Variants in CDK5RAP2 observed in about 807,000 individuals in gnomAD.
The protein encoded by CDK5RAP2 is CDK5 regulatory subunit associated protein 2.
A neutral mutation model predicts 232.9 loss-of-function variants in CDK5RAP2; 147 were observed. The ratio of observed to expected loss-of-function variants is 0.63; its 90% CI spans 0.55 to 0.72. The LOEUF (loss-of-function observed/expected upper bound fraction) is 0.72, where lower values mean the gene tolerates loss of function less well. Among genes scored for constraint, CDK5RAP2 ranks in the 30% least tolerant of loss-of-function variants. The pLI, the probability that CDK5RAP2 is intolerant of heterozygous loss-of-function variation, is 0.00. For synonymous variants in CDK5RAP2, 833 were observed against 833.7 expected (o/e 1.00, Z 0.01); for missense variants, 2,195 against 2,231.5 (o/e 0.98, Z 0.33).
intron 3 of CDK5RAP2, among the ~76,000 whole-genome samples, chr9:120,564,439 G>A (rs568124279): frequency 1.1e-3 from 157 of 147,648 alleles, no homozygotes; most frequent in African/African-American, 3.7e-3. Context: ...GCAGTGAGCC[G>A]AGATCGTGCC....
intron 10 of CDK5RAP2, 46 bp from the exon 11 acceptor site, chr9:120,525,124 CCT>C: frequency 7.4e-7 from 1 of 1,358,630 alleles, no homozygotes; most frequent in Non-Finnish European, 1.1e-6. Flanking sequence ...ACTGGGCTCT[CCT>C]CTCTGCACAG....
intron 32 of CDK5RAP2, chr9:120,406,061 A>G (rs1355557102): frequency 6.6e-6 from 1 of 152,230 alleles, no homozygotes; most frequent in Non-Finnish European, 1.5e-5. Flanking sequence ...TTTTGATTAA[A>G]TTTTAAGATC....
Position 120,470,155 on chromosome 9 carries a change from G to T in CDK5RAP2, c.1924C>A (p.Arg642=). 6.3e-7 allele frequency: 1 copy of T among 1,592,520 alleles called. No individual in the cohort carries two copies. Among genetic ancestry groups the T allele is most frequent in the South Asian group, 1.1e-5 (1 of 89,930 alleles). The change falls in exon 17 of 38, where the codon CGG becomes AGG. Residue 642 remains arginine, a synonymous_variant. Transcript: ENST00000349780. ...TGAGAAAAATGTTCCACTTGAAACC[G>T]ATTGTTTTCTTCAAGGCAAATACTT... ...YLSICLEENN[R]FQVEHFSQEE... is the part of the protein sequence containing the mutation.
In CDK5RAP2 at chr9:120,471,883, G is replaced by C. The variant is rs2037727941; in HGVS notation, c.1728-5C>G. 4 of 1,613,900 alleles carry C rather than the reference G, an allele frequency of 2.5e-6. No homozygotes were observed. Among genetic ancestry groups the C allele is most frequent in the African/African-American group, 1.3e-5 (1 of 74,920 alleles). ...TCAGCCTGCAGGTTGTTGATACTTG[G>C]TAAAACAAGACACCAGAAGTTTTAA... On this transcript the variant is annotated splice_region_variant and splice_polypyrimidine_tract_variant and intron_variant, in intron 15 of 37. Transcript: ENST00000349780.
chr9:120,455,241 G>A (rs755579408), intron 20 of CDK5RAP2, among the ~76,000 whole-genome samples: 1 of 152,152 alleles, frequency 6.6e-6, no homozygotes, highest in Non-Finnish European at 1.5e-5. Flanking sequence ...ATCAGTGAGA[G>A]GCAAGCCTCG....
chr9:120,425,682 G>T (rs1379782711), intron 25 of CDK5RAP2, among the ~76,000 whole-genome samples: 1 of 152,182 alleles, frequency 6.6e-6, no homozygotes, highest in Non-Finnish European at 1.5e-5. Flanking sequence ...AAATCCATCA[G>T]TCCTACAGAG....
At chr9:120,533,790 C>G (rs1010318878) in intron 7 of CDK5RAP2, among the ~76,000 whole-genome samples, 16 of 122,878 alleles carry the variant, frequency 1.3e-4, no homozygotes, top group Admixed American at 9.1e-4. Context: ...AGAGTTAAGA[C>G]TCCATCTAAA....
chr9:120,537,635 T>C (rs10984947), intron 6 of CDK5RAP2, among the ~76,000 whole-genome samples: 20,793 of 151,756 alleles, frequency 0.14, 2,005 homozygotes, highest in East Asian at 0.29. Context: ...ATATTTACTG[T>C]CTGTGTGACC....
At chr9:120,526,080 C>T (rs903593086) in intron 10 of CDK5RAP2, among the ~76,000 whole-genome samples, 2 of 152,180 alleles carry the variant, frequency 1.3e-5, no homozygotes, top group East Asian at 1.9e-4. Context: ...TTCTGATGTC[C>T]TCTGCAGTCC....
chr9:120,389,825 G>A, intron 36 of CDK5RAP2, 38 bp from the exon 37 acceptor site: 4 of 1,592,910 alleles, frequency 2.5e-6, no homozygotes, highest in Non-Finnish European at 3.4e-6. Flanking sequence ...TTAGGGCCAT[G>A]GATATCCAGG....
At chr9:120,458,174 G>A (rs1474098538) in intron 20 of CDK5RAP2, among the ~76,000 whole-genome samples, 1 of 152,182 alleles carries the variant, frequency 6.6e-6, no homozygotes, top group African/African-American at 2.4e-5. Flanking sequence ...TGACAGCAAG[G>A]CAGTCCTTTC....
intron 12 of CDK5RAP2, among the ~76,000 whole-genome samples, chr9:120,509,586 A>G (rs1293241815): frequency 2.0e-5 from 3 of 152,158 alleles, no homozygotes; most frequent in African/African-American, 7.2e-5. Flanking sequence ...GTTGAGAACT[A>G]TTTTCCACTA....
intron 29 of CDK5RAP2, 97 bp from the exon 30 acceptor site, chr9:120,409,413 AGAT>A (rs2033706827): frequency 2.9e-5 from 26 of 905,430 alleles, no homozygotes; most frequent in Admixed American, 8.5e-5. Context: ...AAAAAGAATG[AGAT>A]TCGATCTGGC....
chr9:120,490,098 C>G (rs115681133), intron 13 of CDK5RAP2, among the ~76,000 whole-genome samples: 5 of 152,224 alleles, frequency 3.3e-5, no homozygotes, highest in African/African-American at 1.2e-4. Context: ...TGAGCCACCA[C>G]GCCAGGCCAT....
At chr9:120,521,544 T>C (rs763235131) in intron 11 of CDK5RAP2, among the ~76,000 whole-genome samples, 1 of 152,166 alleles carries the variant, frequency 6.6e-6, no homozygotes, top group African/African-American at 2.4e-5. Flanking sequence ...CTCTCTTGCC[T>C]GTGTCATGTA....
At chr9:120,515,791 G>A (rs944384124) in intron 12 of CDK5RAP2, among the ~76,000 whole-genome samples, 6 of 152,190 alleles carry the variant, frequency 3.9e-5, no homozygotes, top group African/African-American at 1.4e-4. Flanking sequence ...CTGGCCATCA[G>A]ATAAATGCAA....
chr9:120,498,772 A>C (rs907716219), intron 12 of CDK5RAP2, among the ~76,000 whole-genome samples: 1 of 151,964 alleles, frequency 6.6e-6, no homozygotes, highest in African/African-American at 2.4e-5. Flanking sequence ...TGTAATACCA[A>C]CACTTTGGAA....
intron 4 of CDK5RAP2, among the ~76,000 whole-genome samples, chr9:120,549,258 TACAC>T (rs368761126): frequency 5.9e-5 from 9 of 152,040 alleles, no homozygotes; most frequent in Admixed American, 2.6e-4. Context: ...TTTATACACA[TACAC>T]ACACACAAAC....
rs34029371 is a variant in CDK5RAP2, at chr9:120,486,409, T to TAAA, written c.1626+882_1626+884dup. Among the ~76,000 whole-genome samples the TAAA allele has an allele frequency of 3.0e-4, 40 of 132,864 alleles. 1 individual carries two copies. The highest frequency in any genetic ancestry group is 7.3e-4 in the African/African-American group (27 of 36,874). 87.2% of individuals were successfully genotyped at this position (132,864 alleles called of 152,430 possible). A position where few individuals can be genotyped will look rare whatever the true frequency, so the allele number is the denominator to read the frequency against. ...CTTAATTTAAGCCAGGTTTTTCTTT[T>TAAA]AAAAAAAAAAAAAAAAAAAAACCTG... On this transcript the variant is annotated intron_variant, in intron 14 of 37. Coordinates refer to ENST00000349780, the MANE Select transcript of CDK5RAP2 (RefSeq NM_018249.6).
Sources: allele counts gnomAD v4.1 joint callset (sites outside exome capture counted in the v4.1 genomes callset), GRCh38; gene constraint gnomAD v4.1.1; transcripts MANE v1.5; gene names NCBI Gene and HGNC (gene_info 2026-07-23, HGNC 2026-07-21).